The following IPP variants were observed in gnomAD, a reference collection of about 807,000 sequenced individuals.
IPP encodes the protein intracisternal A particle-promoted polypeptide, also known as actin-binding protein IPP.
A neutral mutation model predicts 64.1 loss-of-function variants in IPP; 41 were observed. That is an observed-to-expected ratio of 0.64 (90% CI 0.50 to 0.83). The LOEUF (loss-of-function observed/expected upper bound fraction) is 0.83. Ranked by LOEUF, IPP falls within the 40% of genes least tolerant of loss-of-function variation. The pLI is 0.00. For missense variants in IPP, 649 were observed against 703.0 expected (o/e 0.92, Z 0.87); for synonymous variants, 214 against 235.2 (o/e 0.91, Z 0.83).
intron 7 of IPP, among the ~76,000 whole-genome samples, chr1:45,715,423 C>T (rs1645645261): frequency 1.3e-5 from 2 of 151,884 alleles, no homozygotes; most frequent in South Asian, 2.1e-4. Flanking sequence ...GGGCAGATGA[C>T]GAGGTCAGGA....
chr1:45,736,967 C>T (rs568930736), intron 3 of IPP, among the ~76,000 whole-genome samples: 9 of 140,694 alleles, frequency 6.4e-5, no homozygotes, highest in African/African-American at 2.1e-4. Flanking sequence ...GGCATGAACC[C>T]GGGAGGCGGA....
intron 3 of IPP, among the ~76,000 whole-genome samples, chr1:45,732,347 G>T (rs1024661339): frequency 8.4e-5 from 9 of 107,734 alleles, no homozygotes; most frequent in Admixed American, 7.0e-4. Context: ...GGGCAAAAGA[G>T]CGAGACTCCA....
intron 1 of IPP, among the ~76,000 whole-genome samples, chr1:45,747,238 TG>T (rs941492148): frequency 2.5e-4 from 38 of 152,142 alleles, no homozygotes; most frequent in African/African-American, 8.7e-4. Context: ...GTGAAATGAA[TG>T]AGAACAAGGA....
At position 45,698,714 on chromosome 1, in the gene IPP, T is replaced by TTTA; in HGVS notation, c.*1251_*1252insTAA. 9.7e-6 allele frequency: 7 copies of TTTA among 723,422 alleles called. No individual in the cohort carries two copies. The highest frequency in any genetic ancestry group is 1.1e-5 in the Non-Finnish European group (7 of 642,282). 44.8% of individuals were successfully genotyped at this position (723,422 alleles called of 1,614,324 possible). ...TCTAGCAAAAAAGGAAGAATTTTTT[T>TTTA]TTCTTTTTTTTTTTTTTTTTTTGAG... is the stretch of plus-strand genomic sequence containing the variant. On this transcript the variant is annotated 3_prime_UTR_variant, in exon 9 of 9. Transcript: ENST00000396478.
In IPP at chr1:45,714,365, T is replaced by G. The variant is rs572992251; in HGVS notation, c.1411A>C (p.Met471Leu). The G allele has an allele frequency of 6.2e-7, 1 of 1,613,910 alleles. No individual in the cohort carries two copies. Among genetic ancestry groups the G allele is most frequent in the South Asian group, 1.1e-5 (1 of 91,088 alleles). Reference sequence around the variant, plus strand: ...CCAAGATATGCTCTCCTGGTTCCCATTGGAGGAAGTGGAGACCAACGCTTA... The same window carrying G: ...CCAAGATATGCTCTCCTGGTTCCCAGTGGAGGAAGTGGAGACCAACGCTTA... ...LSKRWSPLPP[M>L]GTRRAYLGVA... The change falls in exon 8 of 9, where the codon ATG (methionine) becomes CTG (leucine). Residue 471 changes from methionine (M) to leucine (L), a missense_variant. Transcript: ENST00000396478.
In IPP at chr1:45,741,033, A is replaced by G. The variant is rs2148581590; in HGVS notation, c.592T>C (p.Tyr198His). The G allele has an allele frequency of 6.2e-7, 1 of 1,612,908 alleles. No homozygotes were observed. Among genetic ancestry groups the G allele is most frequent in the East Asian group, 2.2e-5 (1 of 44,870 alleles). Residue 198 changes from tyrosine to histidine, a missense_variant, in exon 3 of 9, where the codon TAC (tyrosine) becomes CAC (histidine). Coordinates refer to ENST00000396478, the MANE Select transcript of IPP (RefSeq NM_005897.3). The stretch of plus-strand genomic sequence containing the variant: ...TGCATTGCAGCTAAGAAGACCTGGT[A>G]TTCATCCTCAATGCTAAGCTCTTCA... ...RSEELSIEDE[Y>H]QVFLAAMQWI...
At chr1:45,745,358 GT>G (rs1006297323) in intron 2 of IPP, among the ~76,000 whole-genome samples, 9 of 151,960 alleles carry the variant, frequency 5.9e-5, no homozygotes, top group Admixed American at 1.3e-4. Flanking sequence ...ATACATATAA[GT>G]TTTTTTGGGT....
At chr1:45,715,879 C>T (rs1402896872) in intron 7 of IPP, among the ~76,000 whole-genome samples, 1 of 152,072 alleles carries the variant, frequency 6.6e-6, no homozygotes, top group African/African-American at 2.4e-5. Flanking sequence ...GAGACAATAT[C>T]ATATTAAACA....
rs1377079626 is a variant in IPP at position 45,717,469 on chromosome 1, G to T, written c.1187-452C>A. On this transcript the variant is annotated intron_variant, in intron 6 of 8. Coordinates refer to ENST00000396478, the MANE Select transcript of IPP (RefSeq NM_005897.3). Reference sequence around the variant, plus strand: ...GTGTAATTTCAGGAATTTCAAAAAGGCCCCTTATCCCCACAATAACATTTT... The same window carrying T: ...GTGTAATTTCAGGAATTTCAAAAAGTCCCCTTATCCCCACAATAACATTTT... 3.3e-5 allele frequency among the ~76,000 whole-genome samples: 5 copies of T among 151,750 alleles called. No homozygotes were observed. The South Asian group carries it at 6.2e-4, about 19-fold the overall frequency.
At chr1:45,737,071 T>C (rs1032058451) in intron 3 of IPP, among the ~76,000 whole-genome samples, 3 of 149,930 alleles carry the variant, frequency 2.0e-5, no homozygotes, top group Non-Finnish European at 4.4e-5. Context: ...GAAAAAGCTG[T>C]AGGAAAACAT....
intron 4 of IPP, among the ~76,000 whole-genome samples, chr1:45,728,190 C>T (rs1470184770): frequency 6.7e-6 from 1 of 149,950 alleles, no homozygotes; most frequent in Non-Finnish European, 1.5e-5. Context: ...CAGGGTTTCA[C>T]TCTGTCACCC....
At chr1:45,725,264 C>T (rs1645803860) in intron 5 of IPP, among the ~76,000 whole-genome samples, 1 of 139,918 alleles carries the variant, frequency 7.1e-6, no homozygotes, top group Non-Finnish European at 1.6e-5. Flanking sequence ...GTGAGGGGCG[C>T]CTCTGCCCGG....
At chr1:45,696,917 G>C (rs142522927), downstream of IPP, 3 of 152,352 alleles carry the variant, frequency 2.0e-5, no homozygotes, top group Non-Finnish European at 4.4e-5. Context: ...CCACAGCTGT[G>C]CAAAGCACAC....
chr1:45,748,199 T>C (rs1646166858), intron 1 of IPP, among the ~76,000 whole-genome samples: 1 of 152,192 alleles, frequency 6.6e-6, no homozygotes, highest in Non-Finnish European at 1.5e-5. Context: ...GTGATGAATA[T>C]GGTAATTACC....
chr1:45,725,349 C>T (rs1308620723), intron 5 of IPP, among the ~76,000 whole-genome samples: 1 of 138,284 alleles, frequency 7.2e-6, no homozygotes, highest in Admixed American at 7.0e-5. Context: ...GGGGTGTCAG[C>T]CCCCCGCCCG....
chr1:45,699,402 T>A lies in IPP; in HGVS notation c.*564A>T. 2 of 985,616 alleles carry A rather than the reference T, an allele frequency of 2.0e-6. No homozygotes were observed. Among genetic ancestry groups the A allele is most frequent in the Non-Finnish European group, 2.4e-6 (2 of 829,958 alleles). The allele number at this position is 985,616 out of a possible 1,614,324, so 61.1% of individuals were successfully genotyped here. ...CTTTAAACTGTGTCATTGACACTATTCCTATATCACATAAAGTTTTATGTT... is the reference window on the plus strand; with the variant it reads ...CTTTAAACTGTGTCATTGACACTATACCTATATCACATAAAGTTTTATGTT... On this transcript the variant is annotated 3_prime_UTR_variant, in exon 9 of 9. Coordinates refer to ENST00000396478, the MANE Select transcript of IPP (RefSeq NM_005897.3).
intron 1 of IPP, among the ~76,000 whole-genome samples, chr1:45,747,834 C>CAA (rs60576414): frequency 0.051 from 1,998 of 39,328 alleles, 314 homozygotes; most frequent in Non-Finnish European, 0.059. Flanking sequence ...GACTCTGTCT[C>CAA]AAAAAAAAAA....
Position 45,729,688 on chromosome 1 carries a change from T to A in IPP, c.806A>T (p.Asn269Ile), listed in dbSNP as rs747174471. The part of the protein sequence containing the change: ...YCEVCKSPKE[N>I]KFCSFLQTSK... The stretch of plus-strand genomic sequence containing the variant: ...TGTCTGCAGAAAACTACAAAACTTG[T>A]TCTCTTTGGGAGATTTGCATACTTC... Residue 269 changes from asparagine (N) to isoleucine (I), a missense_variant, in exon 4 of 9, where the codon AAC becomes ATC. Asn to Ile is a moderately radical substitution (Grantham distance 149). Coordinates refer to ENST00000396478, the MANE Select transcript of IPP (RefSeq NM_005897.3). 3.7e-6 allele frequency: 6 copies of A among 1,612,496 alleles called. No individual in the cohort carries two copies. The Admixed American group carries it at 6.7e-5, about 18-fold the overall frequency.
At chr1:45,700,324 A>AT (rs889216510) in intron 8 of IPP, 134 bp from the exon 9 acceptor site, 694 of 1,292,778 alleles carry the variant, frequency 5.4e-4, no homozygotes, top group Middle Eastern at 8.2e-4. Context: ...AAGCATACAG[A>AT]TTTTTTTTTC....
Sources: gnomAD v4.1 joint callset for allele counts (sites outside exome capture counted in the v4.1 genomes callset) on GRCh38, gnomAD v4.1.1 for gene constraint, MANE v1.5 for transcripts, NCBI Gene and HGNC (gene_info 2026-07-23, HGNC 2026-07-21) for gene names.